UACA: variants seen among roughly 807,000 people sequenced by gnomAD.
UACA encodes the protein nuclear membrane binding protein.
In UACA, 112 loss-of-function variants were observed where a neutral mutation model predicts 160.5. The observed-to-expected ratio is 0.70, with a 90% CI of 0.60 to 0.82. The LOEUF (loss-of-function observed/expected upper bound fraction) is 0.82, where lower values mean the gene tolerates loss of function less well. UACA is among the 40% of genes least tolerant of loss of function. The pLI is 0.00. For missense variants in UACA, 1,574 were observed against 1,614.6 expected, an observed-to-expected ratio of 0.97 and a Z score of 0.43; for synonymous variants, 557 against 568.4, an observed-to-expected ratio of 0.98 and a Z score of 0.29.
chr15:70,700,316 T>C (rs915249596), intron 1 of UACA, among the ~76,000 whole-genome samples: 19 of 142,586 alleles, frequency 1.3e-4, no homozygotes, highest in African/African-American at 4.7e-4. Flanking sequence ...TATATATATA[T>C]ATACACACAC....
rs746217937 is a variant in UACA, at chr15:70,668,473, TGTTAA to T, written c.2206_2210del (p.Leu736AsnfsTer2). On this transcript the variant is annotated frameshift_variant, in exon 16 of 19. Coordinates refer to ENST00000322954, the MANE Select transcript of UACA (RefSeq NM_018003.4). LOFTEE classifies it high-confidence loss of function. Reference sequence around the variant, plus strand: ...GAACATAATGATTTTTCATTTCAATTGTTAAGTTATGTGCTTGCTCCTTGAGGAGC... The same window carrying T: ...GAACATAATGATTTTTCATTTCAATTGTTATGTGCTTGCTCCTTGAGGAGC... 41 of 1,612,466 alleles carry T rather than the reference TGTTAA, an allele frequency of 2.5e-5. 1 individual carries two copies. The highest frequency in any genetic ancestry group is 8.8e-5 in the South Asian group (8 of 90,846).
intron 1 of UACA, among the ~76,000 whole-genome samples, chr15:70,703,596 T>C (rs577288681): frequency 2.0e-5 from 3 of 152,286 alleles, no homozygotes; most frequent in South Asian, 4.1e-4. Flanking sequence ...ACCTTGTCCT[T>C]TGGGTAACAA....
chr15:70,773,336 G>A, the UACA span, among the ~76,000 whole-genome samples: 7 of 152,202 alleles, frequency 4.6e-5, no homozygotes, highest in Non-Finnish European at 1.0e-4. Flanking sequence ...AGACTGGAGA[G>A]ACAATGGGAG....
chr15:70,691,273 G>A, intron 4 of UACA, 26 bp downstream of exon 4: 1 of 1,517,806 alleles, frequency 6.6e-7, no homozygotes, highest in East Asian at 2.3e-5. Flanking sequence ...AAATAATAAA[G>A]CTAAAGTATT....
chr15:70,690,169 T>A (rs974125705), intron 5 of UACA, among the ~76,000 whole-genome samples: 1 of 151,650 alleles, frequency 6.6e-6, no homozygotes, highest in African/African-American at 2.4e-5. Flanking sequence ...TCTCTCTCTC[T>A]CTCACACACA....
At chr15:70,669,587 T>A in intron 15 of UACA, 125 bp from the exon 16 acceptor site, 1 of 705,434 alleles carries the variant, frequency 1.4e-6, no homozygotes, top group South Asian at 2.4e-5. Flanking sequence ...GATTAGGCAG[T>A]AAGATGGAAA....
In UACA at chr15:70,669,369, T is replaced by C; in HGVS notation, c.1315A>G (p.Asn439Asp). 2 of 1,614,002 alleles carry C rather than the reference T, an allele frequency of 1.2e-6. No individual in the cohort carries two copies. Among genetic ancestry groups the C allele is most frequent in the Non-Finnish European group, 1.7e-6 (2 of 1,179,960 alleles). ...SLPSQTSYSE[N>D]EILKKELEAM... is the part of the protein sequence containing the mutation. The stretch of plus-strand genomic sequence containing the variant: ...TCTAACTCTTTCTTTAAAATTTCAT[T>C]TTCAGAGTATGACGTTTGACTGGGT... The change falls in exon 16 of 19, where the codon AAT becomes GAT. Residue 439 changes from asparagine to aspartate, a missense_variant. Coordinates refer to ENST00000322954, the MANE Select transcript of UACA (RefSeq NM_018003.4).
At chr15:70,729,969 A>T (rs1899273362) in intron 1 of UACA, among the ~76,000 whole-genome samples, 1 of 99,274 alleles carries the variant, frequency 1.0e-5, no homozygotes, top group South Asian at 3.5e-4. Context: ...CAGAAAGGAC[A>T]TCTACACCGA....
At chr15:70,686,396 T>C (rs1002021003) in intron 7 of UACA, among the ~76,000 whole-genome samples, 2 of 151,930 alleles carry the variant, frequency 1.3e-5, no homozygotes, top group Non-Finnish European at 2.9e-5. Flanking sequence ...TGGGAATTGA[T>C]TGAAAGCATT....
intron 18 of UACA, among the ~76,000 whole-genome samples, chr15:70,659,937 C>T (rs76689266): frequency 2.6e-5 from 4 of 151,912 alleles, no homozygotes; most frequent in East Asian, 1.9e-4. Context: ...CAGATGGAGA[C>T]GACACTAAAT....
chr15:70,738,727 C>G (rs937015497), intron 1 of UACA, among the ~76,000 whole-genome samples: 1 of 152,090 alleles, frequency 6.6e-6, no homozygotes, highest in Non-Finnish European at 1.5e-5. Flanking sequence ...CAGAAACATT[C>G]ATCCAAAAAA....
Position 70,666,891 on chromosome 15 carries a change from TG to T in UACA, c.3792del (p.Lys1266ArgfsTer32). 2.5e-6 allele frequency: 4 copies of T among 1,613,806 alleles called. No homozygotes were observed. Among genetic ancestry groups the T allele is most frequent in the Non-Finnish European group, 3.4e-6 (4 of 1,179,918 alleles). On this transcript the variant is annotated frameshift_variant, in exon 16 of 19. Coordinates refer to ENST00000322954, the MANE Select transcript of UACA (RefSeq NM_018003.4). LOFTEE classifies it high-confidence loss of function. The part of the protein sequence containing the change: ...YEEVCEEVLH[A>X]KKKEISAKDE... ...TCTTTTGCAGATATTTCCTTCTTTT[TG>T]GCATGCAAAACTTCCTCACATACTT...
chr15:70,666,137 G>A (rs1183429872), intron 16 of UACA, among the ~76,000 whole-genome samples: 1 of 152,132 alleles, frequency 6.6e-6, no homozygotes, highest in Non-Finnish European at 1.5e-5. Context: ...CCTTAGAGGA[G>A]GAACTGTTTA....
chr15:70,658,031 T>G (rs1437168650), intron 18 of UACA, among the ~76,000 whole-genome samples: 2 of 151,512 alleles, frequency 1.3e-5, no homozygotes, highest in Non-Finnish European at 2.9e-5. Flanking sequence ...TGAGGCTGTA[T>G]GAGCTATGAT....
intron 1 of UACA, among the ~76,000 whole-genome samples, chr15:70,724,860 A>G (rs544020668): frequency 6.6e-6 from 1 of 152,102 alleles, no homozygotes; most frequent in African/African-American, 2.4e-5. Context: ...CAAAGTTTGC[A>G]ATACTCTTGC....
chr15:70,765,049 A>G (rs2030970501), upstream of UACA, among the ~76,000 whole-genome samples: 1 of 152,226 alleles, frequency 6.6e-6, no homozygotes, highest in South Asian at 2.1e-4. Flanking sequence ...AACGAATAAA[A>G]TCTAATTCTT....
At chr15:70,681,737 A>C (rs1897514927) in intron 9 of UACA, 1 of 152,226 alleles carries the variant, frequency 6.6e-6, no homozygotes. Context: ...CATGACCCAT[A>C]TATGAACATA....
chr15:70,701,972 T>C, intron 1 of UACA: 1 of 1,605,506 alleles, frequency 6.2e-7, no homozygotes, highest in Non-Finnish European at 8.5e-7. Flanking sequence ...AAGTTACAAA[T>C]CTCTGTAAGC....
chr15:70,714,381 C>T (rs1435932208), intron 1 of UACA, among the ~76,000 whole-genome samples: 1 of 152,212 alleles, frequency 6.6e-6, no homozygotes, highest in African/African-American at 2.4e-5. Flanking sequence ...TCCCTGACCC[C>T]TGACTCTCTT....
Sources: allele counts gnomAD v4.1 joint callset (sites outside exome capture counted in the v4.1 genomes callset), GRCh38; gene constraint gnomAD v4.1.1; transcripts MANE v1.5; gene names NCBI Gene and HGNC (gene_info 2026-07-23, HGNC 2026-07-21).